Variants in RNF40 observed in about 807,000 individuals in gnomAD.
RNF40 encodes the protein ring finger protein 40, also known as E3 ubiquitin-protein ligase BRE1B.
In RNF40, 39 loss-of-function variants were observed where a neutral mutation model predicts 123.3. That is an observed-to-expected ratio of 0.32 (90% CI 0.24 to 0.41). The LOEUF (loss-of-function observed/expected upper bound fraction) is 0.41, where lower values mean the gene tolerates loss of function less well. RNF40 is among the 10% of genes least tolerant of loss of function. The pLI, the probability that RNF40 is intolerant of heterozygous loss-of-function variation, is 1.00. For missense variants in RNF40, 1,003 were observed against 1,319.9 expected (o/e 0.76, Z 3.72); for synonymous variants, 538 against 526.0 (o/e 1.02, Z -0.31).
chr16:30,766,293 G>A lies in RNF40; in HGVS notation c.1113+11G>A. On this transcript the variant is annotated intron_variant, in intron 9 of 19. Transcript: ENST00000324685. This position sits in a 1 kb window ranked among gnomAD's most constrained non-coding sequence, Gnocchi z 5.4. ...AATGAGCGCCTCAAGGTGGGCTGCTGTAGGGGCTGAGAGGTCCTGGGCCTG... is the reference window on the plus strand; with the variant it reads ...AATGAGCGCCTCAAGGTGGGCTGCTATAGGGGCTGAGAGGTCCTGGGCCTG... 1.2e-6 allele frequency: 2 copies of A among 1,614,084 alleles called. No homozygotes were observed. Among genetic ancestry groups the A allele is most frequent in the Non-Finnish European group, 1.7e-6 (2 of 1,179,982 alleles).
chr16:30,766,048 G>T lies in RNF40; in HGVS notation c.994-115G>T, dbSNP rs1596748950. On this transcript the variant is annotated intron_variant, in intron 8 of 19. Transcript: ENST00000324685. The surrounding 1 kb of genome is among the most constrained non-coding windows in gnomAD (Gnocchi z 5.4). ...GGAAAGTACTTGGTTTGGGGTGTCAGAATCGATCATTGCCCTGCACGGGGT... is the reference window on the plus strand; with the variant it reads ...GGAAAGTACTTGGTTTGGGGTGTCATAATCGATCATTGCCCTGCACGGGGT... 2.7e-6 allele frequency: 4 copies of T among 1,459,566 alleles called. No individual in the cohort carries two copies. In the East Asian group the frequency reaches 9.2e-5, roughly 34 times the overall value. The allele number at this position is 1,459,566 out of a possible 1,614,324, so 90.4% of individuals were successfully genotyped here.
At position 30,774,231 on chromosome 16, in the gene RNF40, C is replaced by T; in HGVS notation, c.*117C>T. 1.8e-6 allele frequency: 2 copies of T among 1,121,716 alleles called. No homozygotes were observed. Among genetic ancestry groups the T allele is most frequent in the Non-Finnish European group, 2.5e-6 (2 of 801,164 alleles). 69.5% of individuals were successfully genotyped at this position (1,121,716 alleles called of 1,614,324 possible). Reference sequence around the variant, plus strand: ...ATTCCGGACCCCATGGGCCCAGCCCCTGCCCATCTAGTTGGTTTGGGGACC... The same window carrying T: ...ATTCCGGACCCCATGGGCCCAGCCCTTGCCCATCTAGTTGGTTTGGGGACC... On this transcript the variant is annotated 3_prime_UTR_variant, in exon 20 of 20. Coordinates refer to ENST00000324685, the MANE Select transcript of RNF40 (RefSeq NM_014771.4).
At chr16:30,763,826 A>C (rs923586902) in intron 4 of RNF40, among the ~76,000 whole-genome samples, 1 of 152,220 alleles carries the variant, frequency 6.6e-6, no homozygotes, top group African/African-American at 2.4e-5. Flanking sequence ...CGCTTCCTAG[A>C]AATGAGTGTT....
Position 30,768,365 on chromosome 16 carries a change from A to G in RNF40, c.1814A>G (p.Glu605Gly). The stretch of plus-strand genomic sequence containing the variant: ...CAGGGCCCTTCCTCCCGGGGCCGAG[A>G]ACCTGAGGCCAGGCCCAAGCGGGAG... Reference protein sequence around the residue: ...GAQGPSSRGREPEARPKRELR... With the variant: ...GAQGPSSRGRGPEARPKRELR... The change falls in exon 13 of 20, where the codon GAA becomes GGA. Residue 605 changes from glutamate to glycine, a missense_variant. Transcript: ENST00000324685. This position sits in a 1 kb window ranked among gnomAD's most constrained non-coding sequence, Gnocchi z 4.1. 1.9e-6 allele frequency: 3 copies of G among 1,613,418 alleles called. No homozygotes were observed. The highest frequency in any genetic ancestry group is 2.5e-6 in the Non-Finnish European group (3 of 1,179,784).
At position 30,767,769 on chromosome 16, in the gene RNF40, G is replaced by A. The variant is rs982586310; in HGVS notation, c.1430-125G>A. Reference sequence around the variant, plus strand: ...ATTTACTTTGATGAGTTCATGCTCCGTTGAGGCCGCAATGTTCCCCTCCTG... The same window carrying A: ...ATTTACTTTGATGAGTTCATGCTCCATTGAGGCCGCAATGTTCCCCTCCTG... On this transcript the variant is annotated intron_variant, in intron 11 of 19. Coordinates refer to ENST00000324685, the MANE Select transcript of RNF40 (RefSeq NM_014771.4). 11 of 1,316,900 alleles carry A rather than the reference G, an allele frequency of 8.4e-6. No individual in the cohort carries two copies. In the East Asian group the frequency reaches 9.3e-5, roughly 11 times the overall value. 81.6% of individuals were successfully genotyped at this position (1,316,900 alleles called of 1,614,324 possible). A position where few individuals can be genotyped will look rare whatever the true frequency, so the allele number is the denominator to read the frequency against.
chr16:30,767,878 G>A lies in RNF40; in HGVS notation c.1430-16G>A, dbSNP rs1256003550. The A allele has an allele frequency of 1.9e-6, 3 of 1,614,114 alleles. No homozygotes were observed. The highest frequency in any genetic ancestry group is 3.3e-5 in the Admixed American group (2 of 60,014). On this transcript the variant is annotated splice_polypyrimidine_tract_variant and intron_variant, in intron 11 of 19. Transcript: ENST00000324685. ...GGAACTGGTTCTGACACCTTTACTT[G>A]CTGATGCTCCTCCAGGGCCCATCAA...
At position 30,766,127 on chromosome 16, in the gene RNF40, G is replaced by GCCCTGCCT; in HGVS notation, c.994-32_994-25dup. 6.2e-7 allele frequency: 1 copy of GCCCTGCCT among 1,612,780 alleles called. No individual in the cohort carries two copies. Among genetic ancestry groups the GCCCTGCCT allele is most frequent in the Non-Finnish European group, 8.5e-7 (1 of 1,179,578 alleles). On this transcript the variant is annotated intron_variant, in intron 8 of 19. Transcript: ENST00000324685. The surrounding 1 kb of genome is among the most constrained non-coding windows in gnomAD (Gnocchi z 5.4). ...TAAGGGAGGCCTGCTGCCACGTCTG[G>GCCCTGCCT]CCCTGCCTCCCATGGCCCTGCCTCC...
rs746427823 is a variant in RNF40 at position 30,766,810 on chromosome 16, G to A, written c.1363G>A (p.Val455Ile). 4 of 1,614,054 alleles carry A rather than the reference G, an allele frequency of 2.5e-6. 1 individual carries two copies. In the South Asian group the frequency reaches 3.3e-5, roughly 13 times the overall value. Residue 455 changes from valine to isoleucine, a missense_variant, in exon 11 of 20, where the codon GTA (valine) becomes ATA (isoleucine). Around this residue, in one of 11 missense-constraint regions of RNF40, gnomAD observed 274 missense variants for 356.9 expected, o/e 0.77. Coordinates refer to ENST00000324685, the MANE Select transcript of RNF40 (RefSeq NM_014771.4). The surrounding 1 kb of genome is among the most constrained non-coding windows in gnomAD (Gnocchi z 5.4). ...VIQLEDTLAQ[V>I]RKEYEMLRIE... The stretch of plus-strand genomic sequence containing the variant: ...TCAGCTGGAGGACACGCTGGCCCAG[G>A]TACGCAAGGAGTATGAGATGCTGCG...
chr16:30,773,022 T>C (rs1173790650), intron 19 of RNF40, among the ~76,000 whole-genome samples: 1 of 152,120 alleles, frequency 6.6e-6, no homozygotes, highest in Non-Finnish European at 1.5e-5. Flanking sequence ...GGATAGTTAG[T>C]ACCATTTAGG....
chr16:30,773,791 T>C, intron 19 of RNF40, 147 bp from the exon 20 acceptor site: 3 of 764,514 alleles, frequency 3.9e-6, no homozygotes, highest in Admixed American at 5.0e-5. Flanking sequence ...TGCTCATTCA[T>C]AGAGTGCTCG....
rs1186944152 is a variant in RNF40 at position 30,769,348 on chromosome 16, C to T, written c.2410C>T (p.Arg804Trp). ...GGCCAACCAGATTCACAAGCTGCTGCGGGAGGAGAAGGATGAGTTGGGCGA... is the reference window on the plus strand; with the variant it reads ...GGCCAACCAGATTCACAAGCTGCTGTGGGAGGAGAAGGATGAGTTGGGCGA... ...IKANQIHKLL[R>W]EEKDELGEQV... Residue 804 changes from arginine to tryptophan, a missense_variant, in exon 16 of 20, where the codon CGG (arginine) becomes TGG (tryptophan). Transcript: ENST00000324685. 3.7e-6 allele frequency: 6 copies of T among 1,614,162 alleles called. No homozygotes were observed. Among genetic ancestry groups the T allele is most frequent in the East Asian group, 2.2e-5 (1 of 44,890 alleles).
At position 30,768,733 on chromosome 16, in the gene RNF40, C is replaced by A; in HGVS notation, c.2094C>A (p.Ala698=). The change falls in exon 14 of 20, where the codon GCC becomes GCA. Residue 698 remains alanine (A), a synonymous_variant. Coordinates refer to ENST00000324685, the MANE Select transcript of RNF40 (RefSeq NM_014771.4). This position sits in a 1 kb window ranked among gnomAD's most constrained non-coding sequence, Gnocchi z 4.1. ...QLMAAERKAK[A]EVDELRSRIR... Reference sequence around the variant, plus strand: ...TGGCAGCGGAACGCAAGGCTAAGGCCGAGGTGAGGGCAGCTGGGGCTTGTG... The same window carrying A: ...TGGCAGCGGAACGCAAGGCTAAGGCAGAGGTGAGGGCAGCTGGGGCTTGTG... The A allele has an allele frequency of 6.2e-7, 1 of 1,613,882 alleles. No individual in the cohort carries two copies. Among genetic ancestry groups the A allele is most frequent in the Non-Finnish European group, 8.5e-7 (1 of 1,180,026 alleles).
Position 30,763,190 on chromosome 16 carries a change from T to A in RNF40, c.205T>A (p.Cys69Ser). 1.9e-6 allele frequency: 3 copies of A among 1,613,758 alleles called. No homozygotes were observed. The highest frequency in any genetic ancestry group is 2.5e-6 in the Non-Finnish European group (3 of 1,180,008). ...AGAGCGGCTGGAACAACGGCAGGCTTGTGAAGATGAACTCCGAGAACGAAT... is the reference window on the plus strand; with the variant it reads ...AGAGCGGCTGGAACAACGGCAGGCTAGTGAAGATGAACTCCGAGAACGAAT... ...LAERLEQRQA[C>S]EDELRERIEK... Residue 69 changes from cysteine to serine, a missense_variant, in exon 3 of 20, where the codon TGT becomes AGT. Physicochemically the swap from Cys to Ser is moderately radical, Grantham distance 112. Transcript: ENST00000324685.
intron 4 of RNF40, among the ~76,000 whole-genome samples, chr16:30,763,935 C>G (rs989675409): frequency 6.6e-6 from 1 of 152,166 alleles, no homozygotes; most frequent in Non-Finnish European, 1.5e-5. Context: ...GCGTGTGATT[C>G]TAATTATATT....
At chr16:30,767,273 G>A (rs894326634) in intron 11 of RNF40, among the ~76,000 whole-genome samples, 5 of 152,206 alleles carry the variant, frequency 3.3e-5, no homozygotes, top group African/African-American at 1.2e-4. Context: ...AGACAGACTA[G>A]AGGAAGACGA....
At position 30,769,266 on chromosome 16, in the gene RNF40, A is replaced by G. The variant is rs368729037; in HGVS notation, c.2328A>G (p.Leu776=). Residue 776 remains leucine (L), a synonymous_variant, in exon 16 of 20, where the codon CTA becomes CTG. Coordinates refer to ENST00000324685, the MANE Select transcript of RNF40 (RefSeq NM_014771.4). ...EDMQEQNGRL[L]QQLREKDDAN... is the part of the protein sequence containing the mutation. Reference sequence around the variant, plus strand: ...TGCAGGAACAGAACGGGCGGCTGCTACAGCAGTTGCGGGAAAAGGATGATG... The same window carrying G: ...TGCAGGAACAGAACGGGCGGCTGCTGCAGCAGTTGCGGGAAAAGGATGATG... 90 of 1,614,104 alleles carry G rather than the reference A, an allele frequency of 5.6e-5. No individual in the cohort carries two copies. Among genetic ancestry groups the G allele is most frequent in the Non-Finnish European group, 7.5e-5 (88 of 1,180,038 alleles).
At chr16:30,762,290 GTGGCGTC>G (rs2053859987), upstream of RNF40, 2 of 468,698 alleles carry the variant, frequency 4.3e-6, no homozygotes, top group Non-Finnish European at 7.5e-6. Flanking sequence ...GGGGGGGGCA[GTGGCGTC>G]CAGTGACGCC....
rs759164445 is a variant in RNF40, at chr16:30,764,200, G to A, written c.464G>A (p.Arg155Gln). 1.9e-5 allele frequency: 30 copies of A among 1,610,374 alleles called. No homozygotes were observed. The highest frequency in any genetic ancestry group is 3.4e-5 in the Admixed American group (2 of 59,544). ...CCAGACCCCTTGCTGATGCAGCTGCGGCCCCCTCTCAGTGAGCCGGCCTTG... is the reference window on the plus strand; with the variant it reads ...CCAGACCCCTTGCTGATGCAGCTGCAGCCCCCTCTCAGTGAGCCGGCCTTG... Reference protein sequence around the residue: ...ELRDPLLMQLRPPLSEPALAF... With the variant: ...ELRDPLLMQLQPPLSEPALAF... Residue 155 changes from arginine to glutamine, a missense_variant, in exon 5 of 20, where the codon CGG becomes CAG. Arg to Gln is a conservative substitution (Grantham distance 43, BLOSUM62 1). Transcript: ENST00000324685.
rs1212667012 is a variant in RNF40 at position 30,767,881 on chromosome 16, G to T, written c.1430-13G>T. Reference sequence around the variant, plus strand: ...ACTGGTTCTGACACCTTTACTTGCTGATGCTCCTCCAGGGCCCATCAACCG... The same window carrying T: ...ACTGGTTCTGACACCTTTACTTGCTTATGCTCCTCCAGGGCCCATCAACCG... On this transcript the variant is annotated splice_polypyrimidine_tract_variant and intron_variant, in intron 11 of 19. Coordinates refer to ENST00000324685, the MANE Select transcript of RNF40 (RefSeq NM_014771.4). 6.2e-7 allele frequency: 1 copy of T among 1,614,180 alleles called. No homozygotes were observed. Among genetic ancestry groups the T allele is most frequent in the East Asian group, 2.2e-5 (1 of 44,882 alleles).
Sources: gnomAD v4.1 joint callset for allele counts (sites outside exome capture counted in the v4.1 genomes callset) on GRCh38, gnomAD v4.1.1 for gene constraint, gnomAD v4.1.1 regional missense constraint, Gnocchi (gnomAD v3.1) non-coding constraint, MANE v1.5 for transcripts, NCBI Gene and HGNC (gene_info 2026-07-23, HGNC 2026-07-21) for gene names.